The following G3BP2 variants were observed in gnomAD, a reference collection of about 807,000 sequenced individuals.
G3BP2 encodes ras GTPase-activating protein-binding protein 2.
Under a neutral mutation model 56.7 loss-of-function variants are expected in G3BP2, and 11 were observed. The observed-to-expected ratio is 0.19, with a 90% CI of 0.12 to 0.32. The LOEUF (loss-of-function observed/expected upper bound fraction) is 0.32, where lower values mean the gene tolerates loss of function less well. G3BP2 is among the 10% of genes least tolerant of loss of function. The pLI, the probability that G3BP2 is intolerant of heterozygous loss-of-function variation, is 1.00. For synonymous variants in G3BP2, 165 were observed against 191.6 expected, an observed-to-expected ratio of 0.86 and a Z score of 1.15; for missense variants, 340 against 610.9, an observed-to-expected ratio of 0.56 and a Z score of 4.67.
At chr4:75,682,160 T>C (rs1484110765) in intron 3 of G3BP2, among the ~76,000 whole-genome samples, 1 of 152,182 alleles carries the variant, frequency 6.6e-6, no homozygotes, top group African/African-American at 2.4e-5. Flanking sequence ...CTCATGCCTG[T>C]AATCCCAGCA....
intron 3 of G3BP2, among the ~76,000 whole-genome samples, chr4:75,683,589 G>A (rs113830050): frequency 1.3e-5 from 2 of 151,982 alleles, no homozygotes; most frequent in African/African-American, 4.8e-5. Flanking sequence ...GAATAAAGAT[G>A]TAACCTGCAC....
At chr4:75,677,003 C>T (rs961325482), upstream of G3BP2, among the ~76,000 whole-genome samples, 3 of 152,146 alleles carry the variant, frequency 2.0e-5, no homozygotes, top group Middle Eastern at 3.2e-3. Flanking sequence ...TATCAAAACA[C>T]TGTGAAAAAT....
chr4:75,683,807 G>C (rs1285735837), intron 3 of G3BP2, among the ~76,000 whole-genome samples: 4 of 151,946 alleles, frequency 2.6e-5, no homozygotes, highest in Non-Finnish European at 5.9e-5. Flanking sequence ...ATCCCTGCTG[G>C]GCCTGACCCC....
chr4:75,692,114 TTTTA>T, intron 3 of G3BP2, among the ~76,000 whole-genome samples: 2 of 152,344 alleles, frequency 1.3e-5, no homozygotes, highest in South Asian at 4.1e-4. Flanking sequence ...AATTGGAGAA[TTTTA>T]TTTTTCAAAA....
chr4:75,717,120 T>C (rs1018950151), intron 3 of G3BP2, among the ~76,000 whole-genome samples: 1 of 152,108 alleles, frequency 6.6e-6, no homozygotes, highest in South Asian at 2.1e-4. Context: ...TCACAGGCCA[T>C]TGGCATCTTA....
chr4:75,670,371 G>T (rs1297190389), intron 1 of G3BP2: 1 of 152,186 alleles, frequency 6.6e-6, no homozygotes, highest in Non-Finnish European at 1.5e-5. Context: ...CCTTTTTAAA[G>T]AAATGACCTT....
intron 3 of G3BP2, among the ~76,000 whole-genome samples, chr4:75,689,147 C>T (rs750165671): frequency 2.0e-5 from 3 of 152,136 alleles, no homozygotes; most frequent in East Asian, 1.9e-4. Flanking sequence ...CTTTGGGAGG[C>T]GGGCGGATCA....
At chr4:75,664,311 T>A (rs1335644592) in intron 1 of G3BP2, among the ~76,000 whole-genome samples, 1 of 151,418 alleles carries the variant, frequency 6.6e-6, no homozygotes, top group East Asian at 2.0e-4. Flanking sequence ...GTGCGGTGGC[T>A]GACGCCTGTA....
chr4:75,674,284 C>T (rs1024611912), upstream of G3BP2, among the ~76,000 whole-genome samples: 1 of 151,998 alleles, frequency 6.6e-6, no homozygotes, highest in African/African-American at 2.4e-5. Context: ...TTCAAAGAAA[C>T]GGAAAGGAAA....
At chr4:75,706,074 T>G (rs573645999) in intron 3 of G3BP2, among the ~76,000 whole-genome samples, 35 of 152,220 alleles carry the variant, frequency 2.3e-4, no homozygotes, top group South Asian at 8.3e-4. Flanking sequence ...CACTATGAGG[T>G]TGGTTCTATT....
At chr4:75,722,442 T>C (rs1160473735) in intron 1 of G3BP2, among the ~76,000 whole-genome samples, 1 of 152,176 alleles carries the variant, frequency 6.6e-6, no homozygotes, top group Non-Finnish European at 1.5e-5. Context: ...AGGCACTCTT[T>C]TTAATTATTA....
chr4:75,693,266 CTG>C (rs551882551), intron 3 of G3BP2, among the ~76,000 whole-genome samples: 13 of 152,158 alleles, frequency 8.5e-5, no homozygotes, highest in African/African-American at 3.1e-4. Flanking sequence ...TAAAATAAAA[CTG>C]AGAAATTTCA....
chr4:75,665,643 AAACACACAAACAAACACACACACACACAC>A (rs1732970409), intron 1 of G3BP2, among the ~76,000 whole-genome samples: 5 of 32,110 alleles, frequency 1.6e-4, no homozygotes, highest in East Asian at 1.6e-3. Flanking sequence ...ACACACACAC[AAACACACAAACAAACACACACACACACAC>A]ACACACACAC....
intron 1 of G3BP2, among the ~76,000 whole-genome samples, chr4:75,667,699 G>A (rs903981251): frequency 6.6e-6 from 1 of 152,068 alleles, no homozygotes; most frequent in Non-Finnish European, 1.5e-5. Context: ...GACCATCCTG[G>A]CTAACACAGT....
intron 3 of G3BP2, among the ~76,000 whole-genome samples, chr4:75,685,982 C>T (rs1203446099): frequency 6.6e-6 from 1 of 152,108 alleles, no homozygotes; most frequent in Non-Finnish European, 1.5e-5. Context: ...GAAGTGTGTG[C>T]ACATACACCA....
upstream of G3BP2, among the ~76,000 whole-genome samples, chr4:75,674,356 G>A (rs1733747148): frequency 6.6e-6 from 1 of 152,174 alleles, no homozygotes; most frequent in Non-Finnish European, 1.5e-5. Context: ...CATCTCATCA[G>A]TTTTCTTCGC....
rs1730972809 is a variant in G3BP2, at chr4:75,643,241, T to G, written c.*2189A>C. ...TATTACACTTAACATTTGTCATTAC[T>G]TTTGGTGCCAGAACAGTTTTCATGG... On this transcript the variant is annotated 3_prime_UTR_variant, in exon 12 of 12. Coordinates refer to ENST00000359707, the MANE Select transcript of G3BP2 (RefSeq NM_203505.3). The G allele has an allele frequency of 6.8e-6, 1 of 147,456 alleles. No individual in the cohort carries two copies. The allele number at this position is 147,456 out of a possible 1,614,324, so 9.1% of individuals were successfully genotyped here.
chr4:75,659,334 T>C (rs1033286612), intron 2 of G3BP2, among the ~76,000 whole-genome samples: 2 of 152,214 alleles, frequency 1.3e-5, no homozygotes, highest in African/African-American at 2.4e-5. Flanking sequence ...TGTTTGGGAA[T>C]CAGAGTTTAA....
chr4:75,702,161 A>C, intron 3 of G3BP2, among the ~76,000 whole-genome samples: 1 of 141,138 alleles, frequency 7.1e-6, no homozygotes. Context: ...GATGGTATAT[A>C]AACCCCCCAA....
Sources: gnomAD v4.1 joint callset for allele counts (sites outside exome capture counted in the v4.1 genomes callset) on GRCh38, gnomAD v4.1.1 for gene constraint, MANE v1.5 for transcripts, NCBI Gene and HGNC (gene_info 2026-07-23, HGNC 2026-07-21) for gene names.